The following VAV3 variants were observed in gnomAD, a reference collection of about 807,000 sequenced individuals.
VAV3 encodes vav guanine nucleotide exchange factor 3, also known as guanine nucleotide exchange factor VAV3.
A neutral mutation model predicts 131.2 loss-of-function variants in VAV3; 94 were observed. The observed-to-expected ratio is 0.72, with a 90% CI of 0.61 to 0.85. The LOEUF (loss-of-function observed/expected upper bound fraction) is 0.85. Among genes scored for constraint, VAV3 ranks in the 40% least tolerant of loss-of-function variants. VAV3 has a pLI of 0.00. For missense variants in VAV3, 939 were observed against 1,002.7 expected, an observed-to-expected ratio of 0.94 and a Z score of 0.86; for synonymous variants, 349 against 342.0, an observed-to-expected ratio of 1.02 and a Z score of -0.22.
chr1:107,889,861 TA>T (rs1292171118), intron 1 of VAV3, among the ~76,000 whole-genome samples: 2 of 152,080 alleles, frequency 1.3e-5, no homozygotes, highest in African/African-American at 2.4e-5. Context: ...AACTTGGGGA[TA>T]AAGATAAAAC....
At chr1:107,952,468 T>TATATA (rs142331597) in intron 1 of VAV3, among the ~76,000 whole-genome samples, 1 of 119,026 alleles carries the variant, frequency 8.4e-6, no homozygotes, top group Non-Finnish European at 1.7e-5. Flanking sequence ...TAACAAAACT[T>TATATA]TATATATATA....
intron 1 of VAV3, among the ~76,000 whole-genome samples, chr1:107,935,695 C>T (rs1673676667): frequency 6.6e-6 from 1 of 152,090 alleles, no homozygotes; most frequent in South Asian, 2.1e-4. Flanking sequence ...CAGTGGTGTG[C>T]ACCATGACAA....
intron 1 of VAV3, among the ~76,000 whole-genome samples, chr1:107,916,249 T>C (rs1672615386): frequency 1.3e-5 from 2 of 152,194 alleles, no homozygotes. Context: ...ATCAAATGTG[T>C]TCTACCTACC....
At chr1:107,582,080 T>G (rs1650094209) in intron 25 of VAV3, among the ~76,000 whole-genome samples, 1 of 152,208 alleles carries the variant, frequency 6.6e-6, no homozygotes, top group African/African-American at 2.4e-5. Context: ...TCAATGGTAC[T>G]GTCAACACTG....
At chr1:107,770,765 A>G in intron 5 of VAV3, 37 bp from the exon 6 acceptor site, 2 of 1,515,540 alleles carry the variant, frequency 1.3e-6, no homozygotes, top group Non-Finnish European at 1.8e-6. Context: ...TGATTTAATA[A>G]AATCATATAT....
In VAV3 at chr1:107,874,901, C is replaced by T. The variant is rs372913766; in HGVS notation, c.321G>A (p.Lys107=). Residue 107 remains lysine (K), a splice_region_variant and synonymous_variant, in exon 2 of 27, where the codon AAG becomes AAA. Transcript: ENST00000370056. The part of the protein sequence containing the change: ...FDLFDVRDFG[K]VIETLSRLSR... ...AGTGTTAAAAATGAAGTATAATTAC[C>T]TTTCCAAAGTCACGAACATCAAACA... is the stretch of plus-strand genomic sequence containing the variant. 3 of 1,612,206 alleles carry T rather than the reference C, an allele frequency of 1.9e-6. No homozygotes were observed. Among genetic ancestry groups the T allele is most frequent in the Non-Finnish European group, 2.5e-6 (3 of 1,178,760 alleles).
intron 17 of VAV3, among the ~76,000 whole-genome samples, chr1:107,688,937 T>TA (rs888208877): frequency 1.3e-4 from 19 of 151,574 alleles, no homozygotes; most frequent in African/African-American, 2.2e-4. Context: ...AGATGGAACT[T>TA]AAAAAAAAAC....
At chr1:107,788,979 C>T (rs752455088) in intron 2 of VAV3, among the ~76,000 whole-genome samples, 7 of 152,210 alleles carry the variant, frequency 4.6e-5, no homozygotes, top group Non-Finnish European at 7.3e-5. Context: ...ACAGTAGCAA[C>T]TCCAGCAGAG....
chr1:107,609,814 C>T, intron 22 of VAV3, 117 bp downstream of exon 22: 3 of 1,044,708 alleles, frequency 2.9e-6, no homozygotes, highest in Non-Finnish European at 4.3e-6. Flanking sequence ...CATCTGAAAA[C>T]ACCTTTAGCC....
intron 8 of VAV3, among the ~76,000 whole-genome samples, chr1:107,765,656 G>A (rs1207298673): frequency 2.6e-5 from 4 of 152,134 alleles, no homozygotes; most frequent in African/African-American, 7.2e-5. Context: ...CATCTGAAGA[G>A]AGGAAAACGA....
chr1:107,792,117 T>A (rs900874464), intron 2 of VAV3, among the ~76,000 whole-genome samples: 1 of 152,232 alleles, frequency 6.6e-6, no homozygotes, highest in East Asian at 1.9e-4. Context: ...ACATTCCCCA[T>A]TGTTCCACTG....
At chr1:107,934,418 C>G (rs191062369) in intron 1 of VAV3, among the ~76,000 whole-genome samples, 5 of 152,252 alleles carry the variant, frequency 3.3e-5, no homozygotes, top group African/African-American at 1.2e-4. Context: ...CCTGTGAAAA[C>G]AGAAACAGAA....
At chr1:107,929,210 C>T (rs1190326403) in intron 1 of VAV3, among the ~76,000 whole-genome samples, 2 of 150,046 alleles carry the variant, frequency 1.3e-5, no homozygotes, top group South Asian at 2.1e-4. Context: ...ATGGCGTGAA[C>T]CCAGGAGGCA....
intron 20 of VAV3, among the ~76,000 whole-genome samples, chr1:107,640,292 AAAG>A (rs1263822102): frequency 6.6e-6 from 1 of 152,212 alleles, no homozygotes; most frequent in African/African-American, 2.4e-5. Context: ...CGATAAAAAG[AAAG>A]AACTATCATT....
chr1:107,669,612 GT>G (rs552434763), intron 19 of VAV3: 8 of 1,061,508 alleles, frequency 7.5e-6, no homozygotes, highest in African/African-American at 6.9e-5. Context: ...TGCACAACAG[GT>G]TTTTTTGTTT....
At chr1:107,615,523 CT>C (rs1653086482) in intron 21 of VAV3, among the ~76,000 whole-genome samples, 1 of 152,050 alleles carries the variant, frequency 6.6e-6, no homozygotes, top group Non-Finnish European at 1.5e-5. Context: ...AAATACCATT[CT>C]TGACATAGGA....
rs185985282 is a variant in VAV3, at chr1:107,841,260, A to G, written c.321+33641T>C. Among the ~76,000 whole-genome samples the G allele has an allele frequency of 1.2e-4, 18 of 152,290 alleles. 1 individual carries two copies. Among genetic ancestry groups the G allele is most frequent in the Admixed American group, 1.2e-3 (18 of 15,288 alleles). On this transcript the variant is annotated intron_variant, in intron 2 of 26. Coordinates refer to ENST00000370056, the MANE Select transcript of VAV3 (RefSeq NM_006113.5). ...CAGCACAAAGTTCTTGTCCTCAACA[A>G]AGTTCATATTCTGGTGTATTTAGGG...
chr1:107,761,692 T>C (rs1190060423), intron 9 of VAV3, among the ~76,000 whole-genome samples: 2 of 152,174 alleles, frequency 1.3e-5, no homozygotes, highest in African/African-American at 4.8e-5. Flanking sequence ...ACAATTACAA[T>C]CACAATTGGG....
At chr1:107,573,678 G>A (rs538090194) in intron 26 of VAV3, among the ~76,000 whole-genome samples, 184 of 152,294 alleles carry the variant, frequency 1.2e-3, no homozygotes, top group African/African-American at 4.2e-3. Flanking sequence ...TGAAAAGACA[G>A]AGGTACTATG....
Sources: gnomAD v4.1 joint callset for allele counts (sites outside exome capture counted in the v4.1 genomes callset) on GRCh38, gnomAD v4.1.1 for gene constraint, MANE v1.5 for transcripts, NCBI Gene and HGNC (gene_info 2026-07-23, HGNC 2026-07-21) for gene names.